The following PCDHGA3 variants were observed in gnomAD, a reference collection of about 807,000 sequenced individuals.
The protein encoded by PCDHGA3 is protocadherin gamma-A3.
PCDHGA3 carries 40 observed loss-of-function variants against 58.5 expected under a neutral mutation model. That is an observed-to-expected ratio of 0.68 (90% CI 0.53 to 0.89). PCDHGA3 has a LOEUF of 0.89. Ranked by LOEUF, PCDHGA3 falls within the 40% of genes least tolerant of loss-of-function variation. PCDHGA3 has a pLI of 0.00. For missense variants in PCDHGA3, 1,223 were observed against 1,195.9 expected, an observed-to-expected ratio of 1.02 and a Z score of -0.33; for synonymous variants, 530 against 525.7, an observed-to-expected ratio of 1.01 and a Z score of -0.11.
chr5:141,410,091 G>C (rs778509378), intron 1 of PCDHGA3: 8 of 1,612,400 alleles, frequency 5.0e-6, no homozygotes, highest in South Asian at 1.1e-5. Context: ...CGCACGGCTC[G>C]AGCCTTAGGC....
intron 1 of PCDHGA3, chr5:141,404,222 G>A (rs1407928050): frequency 6.2e-7 from 1 of 1,613,616 alleles, no homozygotes; most frequent in Admixed American, 1.7e-5. Context: ...CACGGTGACT[G>A]CAACAGACAG....
intron 1 of PCDHGA3, chr5:141,355,962 C>A: frequency 6.2e-7 from 1 of 1,613,898 alleles, no homozygotes; most frequent in Non-Finnish European, 8.5e-7. Context: ...TTCGTGAGAA[C>A]GTTCCTGTAG....
chr5:141,469,476 G>A (rs2154570344), intron 1 of PCDHGA3, among the ~76,000 whole-genome samples: 1 of 152,246 alleles, frequency 6.6e-6, no homozygotes, highest in South Asian at 2.1e-4. Context: ...TCGGGAGGCT[G>A]AGGCAGGAGA....
intron 1 of PCDHGA3, among the ~76,000 whole-genome samples, chr5:141,472,712 G>A (rs1303609397): frequency 1.3e-5 from 2 of 151,972 alleles, no homozygotes; most frequent in Admixed American, 6.6e-5. Flanking sequence ...CAGGCCAGGC[G>A]CTGTGGCTCA....
intron 1 of PCDHGA3, chr5:141,357,260 C>T: frequency 1.1e-5 from 17 of 1,613,796 alleles, no homozygotes; most frequent in Non-Finnish European, 1.4e-5. Context: ...CCAGACGACT[C>T]GGGCCTCACA....
chr5:141,419,785 G>T, intron 1 of PCDHGA3: 2 of 1,614,052 alleles, frequency 1.2e-6, no homozygotes, highest in Non-Finnish European at 1.7e-6. Flanking sequence ...GCCAGCGCCT[G>T]CTAGTCGCTG....
intron 1 of PCDHGA3, chr5:141,394,791 C>G (rs919264078): frequency 6.2e-7 from 1 of 1,613,736 alleles, no homozygotes. Flanking sequence ...CACTGTCACG[C>G]TCACCGTAGC....
At chr5:141,457,116 C>T (rs933634563) in intron 1 of PCDHGA3, among the ~76,000 whole-genome samples, 5 of 152,176 alleles carry the variant, frequency 3.3e-5, no homozygotes, top group Non-Finnish European at 7.3e-5. Flanking sequence ...AATACGACAG[C>T]AATGGAAACT....
intron 1 of PCDHGA3, among the ~76,000 whole-genome samples, chr5:141,406,174 G>T (rs990967391): frequency 6.6e-6 from 1 of 151,264 alleles, no homozygotes; most frequent in African/African-American, 2.4e-5. Context: ...CTGGGCTTAT[G>T]CAATCCTCCC....
At chr5:141,427,327 C>T (rs2097016376) in intron 1 of PCDHGA3, 1 of 457,028 alleles carries the variant, frequency 2.2e-6, no homozygotes, top group African/African-American at 2.0e-5. Flanking sequence ...GTGGTTTTTA[C>T]TTCAGTGTCC....
At chr5:141,498,361 T>C (rs1256361883) in intron 2 of PCDHGA3, among the ~76,000 whole-genome samples, 1 of 151,460 alleles carries the variant, frequency 6.6e-6, no homozygotes, top group African/African-American at 2.4e-5. Flanking sequence ...GCAAAAGCCT[T>C]GTGGTGAGGC....
rs984222446 is a variant in PCDHGA3 at position 141,493,942 on chromosome 5, G to T, written c.2425-865G>T. ...ACACACCCCCTGGAAAGACCAGAAG[G>T]GACTCAGGAATGAAGTGGCTGGCCA... On this transcript the variant is annotated intron_variant, in intron 1 of 3. Transcript: ENST00000253812. The surrounding 1 kb of genome is among the most constrained non-coding windows in gnomAD (Gnocchi z 4.3). Among the ~76,000 whole-genome samples the T allele has an allele frequency of 1.3e-5, 2 of 152,168 alleles. No individual in the cohort carries two copies. Among genetic ancestry groups the T allele is most frequent in the Non-Finnish European group, 1.5e-5 (1 of 68,022 alleles).
chr5:141,430,915 G>T, intron 1 of PCDHGA3: 1 of 1,607,738 alleles, frequency 6.2e-7, no homozygotes, highest in East Asian at 2.2e-5. Flanking sequence ...CCAGGGACCT[G>T]GGGCTGGAGC....
chr5:141,402,710 C>T (rs2094297033), intron 1 of PCDHGA3, among the ~76,000 whole-genome samples: 1 of 152,092 alleles, frequency 6.6e-6, no homozygotes, highest in African/African-American at 2.4e-5. Context: ...GGTGTAGTAA[C>T]GGCTTAGGAC....
At chr5:141,419,642 G>A (rs376762490) in intron 1 of PCDHGA3, 1 of 1,612,412 alleles carries the variant, frequency 6.2e-7, no homozygotes, top group African/African-American at 1.3e-5. Context: ...GGTGGCCGTG[G>A]ACGCGGACTC....
intron 1 of PCDHGA3, chr5:141,350,553 A>G (rs1758502630): frequency 1.9e-6 from 3 of 1,613,934 alleles, no homozygotes; most frequent in Non-Finnish European, 2.5e-6. Context: ...AGGAAACTTG[A>G]GTGTGCACTA....
At chr5:141,371,541 C>G in intron 1 of PCDHGA3, 1 of 1,613,764 alleles carries the variant, frequency 6.2e-7, no homozygotes, top group Non-Finnish European at 8.5e-7. Flanking sequence ...TGGAGAAATC[C>G]TATGCCAACT....
At chr5:141,423,187 C>G in intron 1 of PCDHGA3, 5 of 1,613,640 alleles carry the variant, frequency 3.1e-6, no homozygotes, top group Middle Eastern at 1.6e-4. Context: ...CGGCCAGCCC[C>G]CTCTCTCGGC....
At chr5:141,393,559 T>A (rs1349401032) in intron 1 of PCDHGA3, 1 of 1,613,814 alleles carries the variant, frequency 6.2e-7, no homozygotes, top group Non-Finnish European at 8.5e-7. Context: ...ATTTACCGAG[T>A]GAAAGTCCTT....
Sources: gnomAD v4.1 joint callset for allele counts (sites outside exome capture counted in the v4.1 genomes callset) on GRCh38, gnomAD v4.1.1 for gene constraint, Gnocchi (gnomAD v3.1) non-coding constraint, MANE v1.5 for transcripts, NCBI Gene and HGNC (gene_info 2026-07-23, HGNC 2026-07-21) for gene names.